Variants in TTC8 observed in about 807,000 individuals in gnomAD.
The protein encoded by TTC8 is tetratricopeptide repeat protein 8.
In TTC8, 47 loss-of-function variants were observed where a neutral mutation model predicts 72.5. That is an observed-to-expected ratio of 0.65 (90% CI 0.51 to 0.83). The LOEUF (loss-of-function observed/expected upper bound fraction) is 0.83, where lower values mean the gene tolerates loss of function less well. TTC8 is among the 40% of genes least tolerant of loss of function. The probability of loss-of-function intolerance (pLI) is 0.00; values close to 1 mark genes in which losing one functional copy is unlikely to be tolerated. For synonymous variants in TTC8, 199 were observed against 221.4 expected (o/e 0.90, Z 0.90); for missense variants, 611 against 623.2 (o/e 0.98, Z 0.21).
intron 1 of TTC8, among the ~76,000 whole-genome samples, chr14:88,827,037 G>A (rs1395227642): frequency 7.0e-6 from 1 of 143,674 alleles, no homozygotes; most frequent in Non-Finnish European, 1.5e-5. Context: ...TTTTTTTTTT[G>A]ACCCAGGGAA....
chr14:88,868,585 CA>C (rs1407024222), intron 10 of TTC8, among the ~76,000 whole-genome samples: 2 of 152,140 alleles, frequency 1.3e-5, no homozygotes. Context: ...TCTAAAAACA[CA>C]TTTTTTTTCA....
In TTC8 at chr14:88,872,350, G is replaced by T; in HGVS notation, c.1245G>T (p.Leu415Phe). The change falls in exon 13 of 15, where the codon TTG becomes TTT. Residue 415 changes from leucine to phenylalanine, a missense_variant. Physicochemically the swap from Leu to Phe is conservative, Grantham distance 22 (BLOSUM62 0). Coordinates refer to ENST00000380656, the MANE Select transcript of TTC8 (RefSeq NM_144596.4). ...HVAVGIGDTNLAHQCFRLALV... is the reference protein window; with the variant it reads ...HVAVGIGDTNFAHQCFRLALV... ...TGTAGGGAATAGGAGATACAAATTTGGCCCATCAGTGCTTCAGGCTGGCTC... is the reference window on the plus strand; with the variant it reads ...TGTAGGGAATAGGAGATACAAATTTTGCCCATCAGTGCTTCAGGCTGGCTC... 1 of 1,613,838 alleles carries T rather than the reference G, an allele frequency of 6.2e-7. No homozygotes were observed. The highest frequency in any genetic ancestry group is 8.5e-7 in the Non-Finnish European group (1 of 1,179,890).
At chr14:88,855,684 A>C (rs72697967) in intron 8 of TTC8, among the ~76,000 whole-genome samples, 1 of 152,106 alleles carries the variant, frequency 6.6e-6, no homozygotes, top group Non-Finnish European at 1.5e-5. Flanking sequence ...AATCCCTTTT[A>C]AATCATTTTT....
At chr14:88,827,759 T>G (rs2094708032) in intron 1 of TTC8, among the ~76,000 whole-genome samples, 1 of 152,214 alleles carries the variant, frequency 6.6e-6, no homozygotes, top group Non-Finnish European at 1.5e-5. Flanking sequence ...AAATCCTGCC[T>G]TTTTCTTCAT....
Position 88,841,561 on chromosome 14 carries a change from T to C in TTC8, c.579+47T>C, listed in dbSNP as rs953585339. 2.8e-6 allele frequency: 4 copies of C among 1,408,188 alleles called. No homozygotes were observed. In the African/African-American group the frequency reaches 5.7e-5, roughly 20 times the overall value. The allele number at this position is 1,408,188 out of a possible 1,614,324, so 87.2% of individuals were successfully genotyped here. ...GAGTTATGAAGTAATATTACACGTA[T>C]GATGATAATGACAAATTAGAAAATG... On this transcript the variant is annotated intron_variant, in intron 6 of 14. Transcript: ENST00000380656.
chr14:88,864,494 T>C (rs1195348982), intron 10 of TTC8, among the ~76,000 whole-genome samples: 2 of 152,210 alleles, frequency 1.3e-5, no homozygotes, highest in Admixed American at 1.3e-4. Context: ...CACATCTTTA[T>C]TGCATGGTTG....
chr14:88,874,549 A>G (rs1482480213), intron 13 of TTC8, among the ~76,000 whole-genome samples: 1 of 152,176 alleles, frequency 6.6e-6, no homozygotes, highest in Non-Finnish European at 1.5e-5. Context: ...GCTCACTGTC[A>G]TCCAGCACAG....
intron 1 of TTC8, among the ~76,000 whole-genome samples, chr14:88,828,166 A>C (rs1426691549): frequency 6.6e-6 from 1 of 150,678 alleles, no homozygotes; most frequent in Non-Finnish European, 1.5e-5. Flanking sequence ...GGCATTCTTA[A>C]TTCTTGTTTT....
chr14:88,839,510 A>T lies in TTC8; in HGVS notation c.203A>T (p.Asp68Val). The T allele has an allele frequency of 1.9e-6, 3 of 1,613,338 alleles. No individual in the cohort carries two copies. Among genetic ancestry groups the T allele is most frequent in the Non-Finnish European group, 2.5e-6 (3 of 1,179,548 alleles). ...GAAATGGTATACATAGATGAAATTG[A>T]TGTAGATCAGGAAGGAATTGCAGAA... ...LTEMVYIDEI[D>V]VDQEGIAEMM... Residue 68 changes from aspartate to valine, a missense_variant, in exon 3 of 15, where the codon GAT (aspartate) becomes GTT (valine). Transcript: ENST00000380656.
At chr14:88,873,718 A>G (rs530905393) in intron 13 of TTC8, among the ~76,000 whole-genome samples, 17 of 152,336 alleles carry the variant, frequency 1.1e-4, no homozygotes, top group African/African-American at 4.1e-4. Flanking sequence ...AAATTGTATT[A>G]TTATAATGAT....
At chr14:88,839,608 C>T in intron 3 of TTC8, 36 bp downstream of exon 3, 1 of 1,607,518 alleles carries the variant, frequency 6.2e-7, no homozygotes, top group Non-Finnish European at 8.5e-7. Flanking sequence ...TAATGAAATA[C>T]CATTAAGAGG....
downstream of TTC8, chr14:88,879,558 A>G (rs1566865390): frequency 6.6e-6 from 1 of 151,890 alleles, no homozygotes; most frequent in Non-Finnish European, 1.5e-5. Flanking sequence ...CTTCCATTGC[A>G]TTTCTGAGTG....
chr14:88,873,351 C>T (rs934705674), intron 13 of TTC8, among the ~76,000 whole-genome samples: 1 of 152,208 alleles, frequency 6.6e-6, no homozygotes, highest in Admixed American at 6.5e-5. Context: ...TAAATGCCAC[C>T]TTCTTAGAAA....
rs187384932 is a variant in TTC8 at position 88,877,349 on chromosome 14, C to T, written c.1487C>T (p.Pro496Leu). 1.2e-5 allele frequency: 19 copies of T among 1,613,766 alleles called. No individual in the cohort carries two copies. The African/African-American group carries it at 2.0e-4, about 17-fold the overall frequency. ...GCGCAGAAGTCTGAAGCAGCATTTC[C>T]AGACCATGTGGACACACAACATTTA... ...VAAQKSEAAF[P>L]DHVDTQHLIK... Residue 496 changes from proline to leucine, a missense_variant, in exon 15 of 15, where the codon CCA becomes CTA. Transcript: ENST00000380656.
intron 9 of TTC8, among the ~76,000 whole-genome samples, chr14:88,859,642 A>T (rs1392585467): frequency 6.6e-6 from 1 of 151,796 alleles, no homozygotes; most frequent in Non-Finnish European, 1.5e-5. Flanking sequence ...AAACCTGCAC[A>T]TGTACCCTGG....
intron 13 of TTC8, among the ~76,000 whole-genome samples, chr14:88,873,086 C>T (rs1032048574): frequency 4.6e-5 from 7 of 152,238 alleles, no homozygotes; most frequent in African/African-American, 1.7e-4. Flanking sequence ...TCCTCTAGTG[C>T]CTTCTCCTTC....
Position 88,871,473 on chromosome 14 carries a change from TAA to T in TTC8, c.1050-73_1050-72del. On this transcript the variant is annotated intron_variant, in intron 11 of 14. Transcript: ENST00000380656. The surrounding 1 kb of genome is among the most constrained non-coding windows in gnomAD (Gnocchi z 4.1). ...CAAGATGAATTCATTTTTAACTGTG[TAA>T]AATATATATATATATGTCTTAAAAC... The T allele has an allele frequency of 7.8e-7, 1 of 1,281,218 alleles. No individual in the cohort carries two copies. The highest frequency in any genetic ancestry group is 1.1e-6 in the Non-Finnish European group (1 of 915,134). 79.4% of individuals were successfully genotyped at this position (1,281,218 alleles called of 1,614,324 possible).
intron 13 of TTC8, 61 bp from the exon 14 acceptor site, chr14:88,874,965 A>G (rs1050628679): frequency 7.5e-7 from 1 of 1,340,022 alleles, no homozygotes; most frequent in African/African-American, 1.5e-5. Context: ...AAAAACACAA[A>G]TATGGTGCTG....
chr14:88,858,999 T>G (rs1163737448), intron 9 of TTC8, among the ~76,000 whole-genome samples: 2 of 152,132 alleles, frequency 1.3e-5, no homozygotes, highest in Non-Finnish European at 2.9e-5. Flanking sequence ...ACTATCATCT[T>G]AATTGATAAT....
Sources: gnomAD v4.1 joint callset for allele counts (sites outside exome capture counted in the v4.1 genomes callset) on GRCh38, gnomAD v4.1.1 for gene constraint, Gnocchi (gnomAD v3.1) non-coding constraint, MANE v1.5 for transcripts, NCBI Gene and HGNC (gene_info 2026-07-23, HGNC 2026-07-21) for gene names.